SKA2: variants seen among roughly 807,000 people sequenced by gnomAD.
SKA2 encodes spindle and kinetochore associated complex subunit 2.
A neutral mutation model predicts 16.9 loss-of-function variants in SKA2; 13 were observed. The observed-to-expected ratio is 0.77, with a 90% CI of 0.50 to 1.22. The LOEUF (loss-of-function observed/expected upper bound fraction) is 1.22, where lower values mean the gene tolerates loss of function less well. Among genes scored for constraint, SKA2 ranks in the 50% most tolerant of loss-of-function variants. The pLI is 0.00. For missense variants in SKA2, 107 were observed against 139.7 expected, an observed-to-expected ratio of 0.77 and a Z score of 1.18; for synonymous variants, 47 against 48.5, an observed-to-expected ratio of 0.97 and a Z score of 0.13.
At chr17:59,123,021 C>CAAAAAAA (rs1197154280) in intron 2 of SKA2, among the ~76,000 whole-genome samples, 3 of 49,132 alleles carry the variant, frequency 6.1e-5, no homozygotes, top group African/African-American at 1.4e-4. Context: ...AACCTTGTCT[C>CAAAAAAA]AAAAAAAAAA....
chr17:59,139,551 T>G (rs747152004), intron 1 of SKA2, among the ~76,000 whole-genome samples: 1 of 152,130 alleles, frequency 6.6e-6, no homozygotes, highest in Non-Finnish European at 1.5e-5. Context: ...GTGCTCACTA[T>G]GTTGCCCAGG....
intron 1 of SKA2, among the ~76,000 whole-genome samples, chr17:59,154,073 C>A (rs1005009822): frequency 6.7e-6 from 1 of 150,008 alleles, no homozygotes. Context: ...CCCGGCCAAT[C>A]GTATTTAACA....
chr17:59,146,957 A>G (rs1387192772), intron 1 of SKA2, among the ~76,000 whole-genome samples: 1 of 152,166 alleles, frequency 6.6e-6, no homozygotes, highest in African/African-American at 2.4e-5. Flanking sequence ...GGCGTGAGCC[A>G]CTGCACCTAG....
At chr17:59,133,896 C>T (rs2046426910) in intron 1 of SKA2, among the ~76,000 whole-genome samples, 1 of 152,058 alleles carries the variant, frequency 6.6e-6, no homozygotes. Context: ...ATCTTATTTC[C>T]ATCTCTAACA....
At chr17:59,135,592 AG>A (rs2046439302) in intron 1 of SKA2, among the ~76,000 whole-genome samples, 1 of 151,960 alleles carries the variant, frequency 6.6e-6, no homozygotes, top group South Asian at 2.1e-4. Flanking sequence ...GTGGGATTAC[AG>A]GCTTGGGCCA....
At chr17:59,122,468 G>A (rs908487296) in intron 2 of SKA2, among the ~76,000 whole-genome samples, 3 of 151,642 alleles carry the variant, frequency 2.0e-5, no homozygotes, top group Admixed American at 1.3e-4. Context: ...AAAATTAGCC[G>A]GGCGTGGTAG....
In SKA2 at chr17:59,144,760, G is replaced by A. The variant is rs567352459; in HGVS notation, c.33+10371C>T. Among the ~76,000 whole-genome samples the A allele has an allele frequency of 7.9e-5, 12 of 152,204 alleles. No individual in the cohort carries two copies. The South Asian group carries it at 2.5e-3, about 32-fold the overall frequency. The stretch of plus-strand genomic sequence containing the variant: ...GATAGTAGAATGGTAGTTGCTAGAC[G>A]CTGGGGGGAGGGGAAAAGAGGAGTA... On this transcript the variant is annotated intron_variant, in intron 1 of 3. Transcript: ENST00000330137.
chr17:59,146,940 G>A (rs1358158782), intron 1 of SKA2, among the ~76,000 whole-genome samples: 1 of 152,170 alleles, frequency 6.6e-6, no homozygotes, highest in African/African-American at 2.4e-5. Context: ...AGAGCGCTGG[G>A]ATTATAGGCG....
At chr17:59,147,018 C>T (rs536807483) in intron 1 of SKA2, among the ~76,000 whole-genome samples, 1 of 151,334 alleles carries the variant, frequency 6.6e-6, no homozygotes, top group African/African-American at 2.4e-5. Flanking sequence ...GGGGGACGGG[C>T]GTGGTGGCAC....
At chr17:59,146,842 T>C (rs770419148) in intron 1 of SKA2, among the ~76,000 whole-genome samples, 1 of 152,156 alleles carries the variant, frequency 6.6e-6, no homozygotes, top group South Asian at 2.1e-4. Flanking sequence ...TGTTTTTACT[T>C]TTATTTTTAG....
chr17:59,152,052 G>A (rs1278302258), intron 1 of SKA2, among the ~76,000 whole-genome samples: 3 of 152,042 alleles, frequency 2.0e-5, no homozygotes, highest in Non-Finnish European at 4.4e-5. Flanking sequence ...CTTTTTTAAC[G>A]GATAAGAACC....
At chr17:59,118,468 C>T (rs887779457) in intron 3 of SKA2, among the ~76,000 whole-genome samples, 2 of 152,140 alleles carry the variant, frequency 1.3e-5, no homozygotes, top group African/African-American at 4.8e-5. Flanking sequence ...TTGTCATGTA[C>T]ATCTGGAACT....
intron 1 of SKA2, among the ~76,000 whole-genome samples, chr17:59,134,886 G>A (rs1388205589): frequency 1.3e-5 from 2 of 151,920 alleles, no homozygotes; most frequent in East Asian, 1.9e-4. Context: ...ACAAGCAGGA[G>A]TGCAGTGGCA....
intron 1 of SKA2, among the ~76,000 whole-genome samples, chr17:59,154,577 G>A (rs2046606734): frequency 6.6e-6 from 1 of 152,172 alleles, no homozygotes; most frequent in Admixed American, 6.5e-5. Flanking sequence ...GCCACCTCCG[G>A]ATCAAACAGA....
intron 1 of SKA2, among the ~76,000 whole-genome samples, chr17:59,137,504 C>T (rs746341563): frequency 1.4e-4 from 22 of 152,196 alleles, no homozygotes; most frequent in African/African-American, 5.1e-4. Flanking sequence ...GCTATGTGTC[C>T]CTAGGTTAAG....
At chr17:59,126,281 C>G (rs1438899029) in intron 2 of SKA2, among the ~76,000 whole-genome samples, 1 of 152,104 alleles carries the variant, frequency 6.6e-6, no homozygotes, top group Non-Finnish European at 1.5e-5. Flanking sequence ...CTTGTTAGCT[C>G]TCTGTAAATA....
At chr17:59,151,053 G>C in intron 1 of SKA2, 1 of 456,908 alleles carries the variant, frequency 2.2e-6, no homozygotes, top group Non-Finnish European at 4.5e-6. Flanking sequence ...CAACATTATA[G>C]TTCTCAGCAA....
intron 1 of SKA2, chr17:59,151,130 G>A (rs780490928): frequency 8.0e-6 from 4 of 501,428 alleles, no homozygotes; most frequent in South Asian, 3.0e-5. Flanking sequence ...AAATTCTGGC[G>A]TGCATCCTGC....
chr17:59,153,707 T>C (rs2046594506), intron 1 of SKA2, among the ~76,000 whole-genome samples: 1 of 152,020 alleles, frequency 6.6e-6, no homozygotes, highest in Non-Finnish European at 1.5e-5. Flanking sequence ...TAAGCAGTAA[T>C]GCCAGGGAAT....
Sources: gnomAD v4.1 joint callset for allele counts (sites outside exome capture counted in the v4.1 genomes callset) on GRCh38, gnomAD v4.1.1 for gene constraint, MANE v1.5 for transcripts, NCBI Gene and HGNC (gene_info 2026-07-23, HGNC 2026-07-21) for gene names.